CYSLTR1: variants seen among roughly 807,000 people sequenced by gnomAD.
The protein encoded by CYSLTR1 is cysteinyl leukotriene receptor 1.
CYSLTR1 carries 1 observed loss-of-function variant against 2.1 expected under a neutral mutation model. That is an observed-to-expected ratio of 0.48 (90% confidence interval 0.17 to 2.28). The LOEUF (loss-of-function observed/expected upper bound fraction) is 2.28. Among genes scored for constraint, CYSLTR1 ranks in the 30% most tolerant of loss-of-function variants. The pLI, the probability that CYSLTR1 is intolerant of heterozygous loss-of-function variation, is 0.26. For missense variants in CYSLTR1, 299 were observed against 250.1 expected, an observed-to-expected ratio of 1.20 and a Z score of -1.32; for synonymous variants, 110 against 89.6, an observed-to-expected ratio of 1.23 and a Z score of -1.28.
At chrX:78,315,083 T>C (rs1426702688) in intron 1 of CYSLTR1, among the ~76,000 whole-genome samples, 1 of 106,068 alleles carries the variant, frequency 9.4e-6, no homozygotes, top group East Asian at 3.0e-4. Context: ...ACCTCATCCA[T>C]AGCAGGATAG....
At chrX:78,273,850 G>T in intron 2 of CYSLTR1, 77 bp from the exon 3 acceptor site, 1 of 881,058 alleles carries the variant, frequency 1.1e-6, no homozygotes, top group Non-Finnish European at 1.6e-6. Context: ...ATTTCATAGT[G>T]TCACTATGTA....
intron 1 of CYSLTR1, among the ~76,000 whole-genome samples, chrX:78,284,677 C>T (rs1473221948): frequency 2.8e-5 from 3 of 106,352 alleles, no homozygotes; most frequent in Non-Finnish European, 5.8e-5. Flanking sequence ...GCTGGGACTG[C>T]AGGCATGAGC....
intron 2 of CYSLTR1, among the ~76,000 whole-genome samples, chrX:78,279,725 GA>G (rs781719469): frequency 8.9e-6 from 1 of 112,045 alleles, no homozygotes; most frequent in South Asian, 3.7e-4. Flanking sequence ...GACTGATAAA[GA>G]AAACATGGTA....
chrX:78,325,861 A>G (rs1052391544), intron 1 of CYSLTR1, among the ~76,000 whole-genome samples: 10 of 112,123 alleles, frequency 8.9e-5, no homozygotes, highest in Admixed American at 2.8e-4. Flanking sequence ...ATAATTTTCT[A>G]TACTGTGGAA....
intron 1 of CYSLTR1, among the ~76,000 whole-genome samples, chrX:78,303,471 G>T (rs1164005054): frequency 9.2e-6 from 1 of 109,030 alleles, no homozygotes; most frequent in African/African-American, 3.4e-5. Context: ...GGTGTGTGTG[G>T]GCGCAATCAG....
chrX:78,302,379 C>G (rs1052988960), intron 1 of CYSLTR1, among the ~76,000 whole-genome samples: 1 of 111,730 alleles, frequency 9.0e-6, no homozygotes, highest in Admixed American at 9.4e-5. Flanking sequence ...ATCAGGGAAA[C>G]TTAAAGACCA....
intron 1 of CYSLTR1, among the ~76,000 whole-genome samples, chrX:78,287,459 A>G (rs1488074587): frequency 9.0e-6 from 1 of 111,595 alleles, no homozygotes; most frequent in Non-Finnish European, 1.9e-5. Flanking sequence ...GGGGTGGTGA[A>G]AGTGTTCTAA....
chrX:78,321,107 G>T (rs923857987), intron 1 of CYSLTR1: 2 of 107,150 alleles, frequency 1.9e-5, no homozygotes, highest in African/African-American at 6.8e-5. Flanking sequence ...ATTTCCCAGG[G>T]TGGATGTCTA....
At chrX:78,297,428 TC>T (rs1922621157) in intron 1 of CYSLTR1, among the ~76,000 whole-genome samples, 1 of 111,814 alleles carries the variant, frequency 8.9e-6, no homozygotes, top group Admixed American at 9.5e-5. Context: ...TGTTCCCTCC[TC>T]CTCTATTTTT....
At chrX:78,299,584 C>T (rs1428789692) in intron 1 of CYSLTR1, among the ~76,000 whole-genome samples, 2 of 110,324 alleles carry the variant, frequency 1.8e-5, no homozygotes, top group Non-Finnish European at 3.8e-5. Flanking sequence ...GAATTTTTCT[C>T]CTTCAGCACT....
intron 1 of CYSLTR1, among the ~76,000 whole-genome samples, chrX:78,316,569 A>G (rs759869179): frequency 2.8e-4 from 31 of 112,024 alleles, no homozygotes; most frequent in Admixed American, 2.7e-3. Context: ...GGCCTTGCCA[A>G]CTGTGTGGGA....
intron 1 of CYSLTR1, among the ~76,000 whole-genome samples, chrX:78,289,784 T>C (rs186681360): frequency 8.9e-6 from 1 of 112,412 alleles, no homozygotes; most frequent in Non-Finnish European, 1.9e-5. Context: ...TCTGTTCATA[T>C]CCTTTGCCCA....
intron 2 of CYSLTR1, among the ~76,000 whole-genome samples, chrX:78,281,520 G>C (rs954514898): frequency 1.8e-5 from 2 of 110,880 alleles, no homozygotes; most frequent in African/African-American, 6.6e-5. Flanking sequence ...TTATCTGCCT[G>C]CCTTGGCCTC....
At chrX:78,280,174 C>T (rs1331783188) in intron 2 of CYSLTR1, among the ~76,000 whole-genome samples, 2 of 111,093 alleles carry the variant, frequency 1.8e-5, no homozygotes, top group African/African-American at 6.6e-5. Context: ...CAAACTCCTG[C>T]ATTATTTCTC....
chrX:78,319,068 T>C (rs1923533946), intron 1 of CYSLTR1: 1 of 111,116 alleles, frequency 9.0e-6, no homozygotes, highest in Admixed American at 9.6e-5. Context: ...TGTGCATGGT[T>C]CATTTATTAC....
rs140294828 is a variant in CYSLTR1, at chrX:78,324,403, T to C, written c.-115+2902A>G. 3.9e-3 allele frequency among the ~76,000 whole-genome samples: 441 copies of C among 112,480 alleles called. 1 individual carries two copies. Among genetic ancestry groups the C allele is most frequent in the African/African-American group, 0.014 (423 of 31,025 alleles). ...TTGTTTTTTGAGACGGAGTCTCGCT[T>C]TGTCGCCCGGCTTGAGTGCAGTGGC... On this transcript the variant is annotated intron_variant, in intron 1 of 2. Coordinates refer to ENST00000373304, the MANE Select transcript of CYSLTR1 (RefSeq NM_006639.4).
chrX:78,319,730 C>G (rs1923565963), intron 1 of CYSLTR1: 1 of 112,107 alleles, frequency 8.9e-6, no homozygotes, highest in African/African-American at 3.2e-5. Context: ...AACCCACCAA[C>G]AGTGTAAAAG....
intron 1 of CYSLTR1, among the ~76,000 whole-genome samples, chrX:78,301,553 G>A (rs1249194160): frequency 4.5e-5 from 5 of 112,081 alleles, no homozygotes; most frequent in Non-Finnish European, 9.4e-5. Context: ...TTCTCAACAA[G>A]TTTCTCATCT....
At chrX:78,324,991 A>G (rs1420838576) in intron 1 of CYSLTR1, among the ~76,000 whole-genome samples, 1 of 112,231 alleles carries the variant, frequency 8.9e-6, no homozygotes, top group East Asian at 2.8e-4. Context: ...AAGTGGTTTT[A>G]TGAAAGAGTA....
Sources: gnomAD v4.1 joint callset for allele counts (sites outside exome capture counted in the v4.1 genomes callset) on GRCh38, gnomAD v4.1.1 for gene constraint, MANE v1.5 for transcripts, NCBI Gene and HGNC (gene_info 2026-07-23, HGNC 2026-07-21) for gene names.